Variants in CPA6 observed in about 807,000 individuals in gnomAD.
CPA6 encodes carboxypeptidase B.
Under a neutral mutation model 63.3 loss-of-function variants are expected in CPA6, and 58 were observed. That is an observed-to-expected ratio of 0.92 (90% CI 0.74 to 1.14). The LOEUF is 1.14. Ranked by LOEUF, CPA6 falls within the 50% of genes most tolerant of loss-of-function variation. The probability of loss-of-function intolerance (pLI) is 0.00; values close to 1 mark genes in which losing one functional copy is unlikely to be tolerated. For synonymous variants in CPA6, 185 were observed against 179.0 expected, an observed-to-expected ratio of 1.03 and a Z score of -0.27; for missense variants, 565 against 526.6, an observed-to-expected ratio of 1.07 and a Z score of -0.71.
At chr8:67,701,378 C>G (rs1182553638) in intron 1 of CPA6, among the ~76,000 whole-genome samples, 1 of 152,082 alleles carries the variant, frequency 6.6e-6, no homozygotes, top group Non-Finnish European at 1.5e-5. Flanking sequence ...GTGACTGGTT[C>G]CACTCTAATA....
At chr8:67,738,079 G>A (rs1204833058) in intron 1 of CPA6, among the ~76,000 whole-genome samples, 1 of 152,050 alleles carries the variant, frequency 6.6e-6, no homozygotes, top group Non-Finnish European at 1.5e-5. Context: ...ACATCCATTT[G>A]GAGATATTGT....
intron 9 of CPA6, among the ~76,000 whole-genome samples, 177 bp downstream of exon 9, chr8:67,433,861 G>A (rs1173980407): frequency 6.6e-6 from 1 of 152,146 alleles, no homozygotes; most frequent in Non-Finnish European, 1.5e-5. Context: ...GTAAAGTGGG[G>A]ATAATAAAAG....
chr8:67,461,658 C>T (rs1321552459), intron 8 of CPA6, among the ~76,000 whole-genome samples: 3 of 152,078 alleles, frequency 2.0e-5, no homozygotes, highest in Non-Finnish European at 4.4e-5. Context: ...GTGCCCCTCA[C>T]CTCCCGGACG....
chr8:67,573,668 G>A (rs991318956), intron 2 of CPA6, among the ~76,000 whole-genome samples: 5 of 151,690 alleles, frequency 3.3e-5, no homozygotes, highest in South Asian at 2.1e-4. Context: ...CGAGGAGGGC[G>A]GATCACGAGG....
At chr8:67,695,526 C>T (rs1816897824) in intron 1 of CPA6, among the ~76,000 whole-genome samples, 1 of 152,216 alleles carries the variant, frequency 6.6e-6, no homozygotes, top group Non-Finnish European at 1.5e-5. Flanking sequence ...CATCCTTGGA[C>T]TTACAGAATG....
intron 8 of CPA6, among the ~76,000 whole-genome samples, chr8:67,455,663 C>CCAA (rs1810655966): frequency 6.6e-5 from 2 of 30,250 alleles, no homozygotes; most frequent in African/African-American, 3.1e-4. Flanking sequence ...TCTACAAAAG[C>CCAA]AAAAAAAAAA....
chr8:67,572,849 C>A (rs1435746578), intron 2 of CPA6, among the ~76,000 whole-genome samples: 1 of 152,112 alleles, frequency 6.6e-6, no homozygotes, highest in Non-Finnish European at 1.5e-5. Context: ...AACTACAGAC[C>A]AATATCTTTG....
chr8:67,427,433 A>C (rs775636973), intron 10 of CPA6, among the ~76,000 whole-genome samples: 8 of 152,172 alleles, frequency 5.3e-5, no homozygotes, highest in Non-Finnish European at 1.2e-4. Flanking sequence ...AAATTTGTAT[A>C]CTTTTCTCTT....
In CPA6 at chr8:67,509,531, G is replaced by C; in HGVS notation, c.520C>G (p.Leu174Val). 6.5e-7 allele frequency: 1 copy of C among 1,541,012 alleles called. No individual in the cohort carries two copies. The highest frequency in any genetic ancestry group is 8.9e-7 in the Non-Finnish European group (1 of 1,121,808). Residue 174 changes from leucine to valine, a missense_variant, in exon 5 of 11, where the codon CTT becomes GTT. Physicochemically the swap from Leu to Val is conservative, Grantham distance 32 (BLOSUM62 1). Coordinates refer to ENST00000297770, the MANE Select transcript of CPA6 (RefSeq NM_020361.5). ...SIGRSYEGRS[L>V]FILKLGRRSR... ...CTTATTTTTACCTTTAAAATAAAAA[G>C]AGATCTTCCCTCATATGATCTTCCA...
intron 2 of CPA6, among the ~76,000 whole-genome samples, chr8:67,613,473 G>C (rs1447967075): frequency 3.9e-5 from 6 of 152,182 alleles, no homozygotes; most frequent in African/African-American, 1.4e-4. Flanking sequence ...TTCTCAATCT[G>C]GTAAGGGAGA....
At chr8:67,532,537 C>T (rs1210846624) in intron 2 of CPA6, among the ~76,000 whole-genome samples, 2 of 151,946 alleles carry the variant, frequency 1.3e-5, no homozygotes, top group African/African-American at 4.8e-5. Flanking sequence ...CGAAAATTAG[C>T]CAGGCGTGGT....
chr8:67,740,609 G>A (rs1055973927), intron 1 of CPA6, among the ~76,000 whole-genome samples: 2 of 152,110 alleles, frequency 1.3e-5, no homozygotes, highest in African/African-American at 2.4e-5. Flanking sequence ...TTGCTCTGAT[G>A]CCCAGACTGG....
intron 1 of CPA6, among the ~76,000 whole-genome samples, chr8:67,711,114 A>C (rs1817251859): frequency 6.6e-6 from 1 of 152,190 alleles, no homozygotes; most frequent in South Asian, 2.1e-4. Flanking sequence ...GCAGACACCC[A>C]ATTCTTTCTG....
At chr8:67,499,193 C>T (rs188857166) in intron 6 of CPA6, among the ~76,000 whole-genome samples, 61 of 152,230 alleles carry the variant, frequency 4.0e-4, no homozygotes, top group Middle Eastern at 3.4e-3. Context: ...AGTGGCTCTC[C>T]GGGCATGGCA....
chr8:67,567,531 G>T (rs188452937), intron 2 of CPA6, among the ~76,000 whole-genome samples: 1 of 152,198 alleles, frequency 6.6e-6, no homozygotes, highest in African/African-American at 2.4e-5. Flanking sequence ...GGTCAGCAAG[G>T]TGGTGGAAAA....
At chr8:67,500,060 A>T (rs1229698522) in intron 6 of CPA6, among the ~76,000 whole-genome samples, 30 of 152,202 alleles carry the variant, frequency 2.0e-4, no homozygotes, top group African/African-American at 2.4e-5. Context: ...TAGTTTGAAA[A>T]GAGACTGCCA....
At chr8:67,713,194 C>T (rs1232402578) in intron 1 of CPA6, among the ~76,000 whole-genome samples, 1 of 143,164 alleles carries the variant, frequency 7.0e-6, no homozygotes, top group East Asian at 2.1e-4. Flanking sequence ...GATTCTGGAA[C>T]ATATCCCCCG....
At position 67,468,581 on chromosome 8, in the gene CPA6, AAAAATAAAAT is replaced by A. The variant is rs55739926; in HGVS notation, c.838+15177_838+15186del. Among the ~76,000 whole-genome samples the A allele has an allele frequency of 1.6e-3, 220 of 138,724 alleles. 1 individual carries two copies. The highest frequency in any genetic ancestry group is 7.5e-3 in the Middle Eastern group (2 of 268). The allele number at this position is 138,724 out of a possible 152,430, so 91.0% of individuals were successfully genotyped here. A position where few individuals can be genotyped will look rare whatever the true frequency, so the allele number is the denominator to read the frequency against. ...GGCGACAAGAGCGAGACTCTGTCTCAAAAATAAAATAAAATAAAATAAAATAAAATAAAAT... is the reference window on the plus strand; with the variant it reads ...GGCGACAAGAGCGAGACTCTGTCTCAAAAATAAAATAAAATAAAATAAAAT... On this transcript the variant is annotated intron_variant, in intron 8 of 10. Transcript: ENST00000297770.
chr8:67,426,776 G>A (rs138725658), intron 10 of CPA6, among the ~76,000 whole-genome samples: 25 of 152,228 alleles, frequency 1.6e-4, no homozygotes, highest in African/African-American at 6.0e-4. Flanking sequence ...TGCACACACC[G>A]ACATTCACAC....
Sources: gnomAD v4.1 joint callset for allele counts (sites outside exome capture counted in the v4.1 genomes callset) on GRCh38, gnomAD v4.1.1 for gene constraint, MANE v1.5 for transcripts, NCBI Gene and HGNC (gene_info 2026-07-23, HGNC 2026-07-21) for gene names.